Variants in CSNK2A2IP observed in about 807,000 individuals in gnomAD.
The protein encoded by CSNK2A2IP is casein kinase II subunit alpha'-interacting protein.
the CSNK2A2IP span, among the ~76,000 whole-genome samples, chr3:88,446,078 CTT>C: frequency 3.8e-5 from 4 of 106,548 alleles, 1 homozygote; most frequent in South Asian, 9.0e-4. Context: ...TTCTTTCTTT[CTT>C]TCTTTCTTTC....
the CSNK2A2IP span, among the ~76,000 whole-genome samples, chr3:88,379,452 C>CT: frequency 3.9e-5 from 6 of 152,032 alleles, no homozygotes; most frequent in Non-Finnish European, 8.8e-5. Flanking sequence ...TTCTGGAGTC[C>CT]TTTTAATATG....
the CSNK2A2IP span, among the ~76,000 whole-genome samples, chr3:88,434,111 A>C: frequency 1.3e-5 from 2 of 152,130 alleles, no homozygotes; most frequent in South Asian, 4.1e-4. Flanking sequence ...TAAAATGTAG[A>C]CTTGGGGGCA....
At chr3:88,361,975 T>C in the CSNK2A2IP span, among the ~76,000 whole-genome samples, 1 of 152,122 alleles carries the variant, frequency 6.6e-6, no homozygotes, top group Admixed American at 6.6e-5. Flanking sequence ...CTTTTTCTGA[T>C]AGAGCTCTGA....
At chr3:88,449,334 G>A in the CSNK2A2IP span, among the ~76,000 whole-genome samples, 1,060 of 152,182 alleles carry the variant, frequency 7.0e-3, 8 homozygotes, top group Non-Finnish European at 0.011. Context: ...TTTTAAACAT[G>A]ACAAGTGTGC....
At chr3:88,418,902 C>T in the CSNK2A2IP span, among the ~76,000 whole-genome samples, 12 of 152,170 alleles carry the variant, frequency 7.9e-5, no homozygotes, top group African/African-American at 2.9e-4. Context: ...TTTTTCACAT[C>T]ATGGCTCACG....
At chr3:88,387,052 T>C in the CSNK2A2IP span, among the ~76,000 whole-genome samples, 1 of 152,160 alleles carries the variant, frequency 6.6e-6, no homozygotes, top group South Asian at 2.1e-4. Context: ...AAGATGAAAG[T>C]GAATAGGAAA....
At chr3:88,466,374 C>T in the CSNK2A2IP span, 1 of 1,231,874 alleles carries the variant, frequency 8.1e-7, no homozygotes, top group Non-Finnish European at 1.0e-6. Context: ...ATTCACCTGT[C>T]TGTCACTCCA....
At chr3:88,369,119 T>C in the CSNK2A2IP span, among the ~76,000 whole-genome samples, 1 of 151,862 alleles carries the variant, frequency 6.6e-6, no homozygotes, top group African/African-American at 2.4e-5. Flanking sequence ...AGGGCAAGGA[T>C]TGGGGAAATT....
the CSNK2A2IP span, among the ~76,000 whole-genome samples, chr3:88,380,204 A>G: frequency 0.019 from 2,849 of 152,184 alleles, 81 homozygotes; most frequent in African/African-American, 0.063. Flanking sequence ...ACTATTTAAA[A>G]AAAAGCAAAA....
At chr3:88,372,062 A>G in the CSNK2A2IP span, among the ~76,000 whole-genome samples, 1 of 151,732 alleles carries the variant, frequency 6.6e-6, no homozygotes, top group African/African-American at 2.4e-5. Context: ...TCAGTCATAA[A>G]GGAAAGAACA....
At chr3:88,399,753 A>G in the CSNK2A2IP span, 2 of 152,190 alleles carry the variant, frequency 1.3e-5, no homozygotes, top group African/African-American at 4.8e-5. Context: ...TGAACAAGAA[A>G]GGAGAGATGG....
At chr3:88,432,538 C>T in the CSNK2A2IP span, among the ~76,000 whole-genome samples, 8 of 151,720 alleles carry the variant, frequency 5.3e-5, no homozygotes, top group African/African-American at 1.9e-4. Flanking sequence ...TGTTAAGCAA[C>T]TGTTAACTTG....
chr3:88,379,717 C>T, the CSNK2A2IP span, among the ~76,000 whole-genome samples: 1 of 151,966 alleles, frequency 6.6e-6, no homozygotes, highest in African/African-American at 2.4e-5. Flanking sequence ...AATTATTGCC[C>T]CTAAATTTGT....
At chr3:88,347,059 A>ATTGCT in the CSNK2A2IP span, among the ~76,000 whole-genome samples, 1 of 152,054 alleles carries the variant, frequency 6.6e-6, no homozygotes, top group South Asian at 2.1e-4. Context: ...GGAAGAAGTA[A>ATTGCT]TTGCAGACGT....
chr3:88,351,694 G>A, the CSNK2A2IP span, among the ~76,000 whole-genome samples: 329 of 152,068 alleles, frequency 2.2e-3, 2 homozygotes, highest in African/African-American at 7.6e-3. Flanking sequence ...CCAACACAAA[G>A]CAACACTAAA....
At chr3:88,427,179 TTGGAAAC>T in the CSNK2A2IP span, among the ~76,000 whole-genome samples, 2,726 of 152,200 alleles carry the variant, frequency 0.018, 80 homozygotes, top group African/African-American at 0.061. Flanking sequence ...GAAGAACTTG[TTGGAAAC>T]TGGAGTAAAG....
the CSNK2A2IP span, among the ~76,000 whole-genome samples, chr3:88,447,517 A>C: frequency 6.6e-6 from 1 of 151,740 alleles, no homozygotes; most frequent in African/African-American, 2.4e-5. Context: ...TAATCTTCAG[A>C]GTCTTGCTTT....
the CSNK2A2IP span, among the ~76,000 whole-genome samples, chr3:88,458,903 G>T: frequency 6.6e-6 from 1 of 152,078 alleles, no homozygotes; most frequent in Non-Finnish European, 1.5e-5. Flanking sequence ...CTTGTTGTAT[G>T]GTTTACAATA....
chr3:88,456,372 C>T, the CSNK2A2IP span, among the ~76,000 whole-genome samples: 1 of 151,956 alleles, frequency 6.6e-6, no homozygotes, highest in African/African-American at 2.4e-5. Context: ...ATTCTTTTAT[C>T]AGTTGTTTTA....
Sources: gnomAD v4.1 joint callset for allele counts (sites outside exome capture counted in the v4.1 genomes callset) on GRCh38, gnomAD v4.1.1 for gene constraint, MANE v1.5 for transcripts, NCBI Gene and HGNC (gene_info 2026-07-23, HGNC 2026-07-21) for gene names.